Variants in PHLPP1 observed in about 807,000 individuals in gnomAD.
The protein encoded by PHLPP1 is PH domain leucine-rich repeat-containing protein phosphatase 1.
Under a neutral mutation model 117.2 loss-of-function variants are expected in PHLPP1, and 42 were observed. The ratio of observed to expected loss-of-function variants is 0.36; its 90% CI spans 0.28 to 0.46. PHLPP1 has a LOEUF of 0.46. Among genes scored for constraint, PHLPP1 ranks in the 20% least tolerant of loss-of-function variants. The pLI is 1.00. For missense variants in PHLPP1, 2,084 were observed against 2,241.9 expected, an observed-to-expected ratio of 0.93 and a Z score of 1.42; for synonymous variants, 1,042 against 970.7, an observed-to-expected ratio of 1.07 and a Z score of -1.37.
At chr18:62,848,588 C>T (rs953832015) in intron 3 of PHLPP1, among the ~76,000 whole-genome samples, 8 of 151,650 alleles carry the variant, frequency 5.3e-5, no homozygotes, top group African/African-American at 1.5e-4. Context: ...CTCAGCCTCC[C>T]GAGTAACTGG....
intron 1 of PHLPP1, among the ~76,000 whole-genome samples, chr18:62,734,412 T>C (rs948575823): frequency 2.0e-5 from 3 of 152,228 alleles, no homozygotes; most frequent in Non-Finnish European, 4.4e-5. Flanking sequence ...AAACAACTTA[T>C]TAGCTCTTTT....
intron 1 of PHLPP1, among the ~76,000 whole-genome samples, chr18:62,816,066 GT>G (rs1914264256): frequency 6.6e-6 from 1 of 152,188 alleles, no homozygotes; most frequent in Non-Finnish European, 1.5e-5. Context: ...TTTGTTGAAT[GT>G]TGAGGAGGGT....
At chr18:62,897,239 C>T (rs1425686931) in intron 6 of PHLPP1, among the ~76,000 whole-genome samples, 1 of 152,120 alleles carries the variant, frequency 6.6e-6, no homozygotes, top group Non-Finnish European at 1.5e-5. Context: ...TCTGAATTAG[C>T]TTACACATAA....
At chr18:62,728,126 C>T (rs1911129513) in intron 1 of PHLPP1, among the ~76,000 whole-genome samples, 1 of 151,848 alleles carries the variant, frequency 6.6e-6, no homozygotes, top group African/African-American at 2.4e-5. Flanking sequence ...GAAACCTCGT[C>T]TCTACTAAAA....
chr18:62,860,594 C>T lies in PHLPP1; in HGVS notation c.2059C>T (p.Leu687=). Residue 687 remains leucine (L), a synonymous_variant, in exon 4 of 17, where the codon CTG becomes TTG. Transcript: ENST00000262719. ...SLPAARGLNE[L]QRFTKLKSLN... ...TCCAGCTGCCAGGGGGCTTAATGAA[C>T]TGCAAAGGTAAGCCTGCAGAAATGG... 3 of 1,612,088 alleles carry T rather than the reference C, an allele frequency of 1.9e-6. No homozygotes were observed. The highest frequency in any genetic ancestry group is 2.5e-6 in the Non-Finnish European group (3 of 1,179,018).
intron 1 of PHLPP1, among the ~76,000 whole-genome samples, chr18:62,728,310 T>A (rs898153215): frequency 6.6e-6 from 1 of 151,826 alleles, no homozygotes; most frequent in African/African-American, 2.4e-5. Context: ...AAAAAAATAT[T>A]TTTTTTAAAG....
In PHLPP1 at chr18:62,830,032, C is replaced by T. The variant is rs764143063; in HGVS notation, c.1577-3C>T. The T allele has an allele frequency of 6.3e-7, 1 of 1,595,796 alleles. No individual in the cohort carries two copies. Among genetic ancestry groups the T allele is most frequent in the Non-Finnish European group, 8.6e-7 (1 of 1,168,654 alleles). ...ATAACATGTTTGCTTCTGTTTATTT[C>T]AGGAAAACCTCACAGCACGGGTAGC... On this transcript the variant is annotated splice_region_variant and splice_polypyrimidine_tract_variant and intron_variant, in intron 1 of 16. Transcript: ENST00000262719.
chr18:62,803,367 CT>C (rs1341809610), intron 1 of PHLPP1, among the ~76,000 whole-genome samples: 1 of 152,108 alleles, frequency 6.6e-6, no homozygotes, highest in East Asian at 1.9e-4. Context: ...GCTTTTCCCC[CT>C]CCTAGTTATT....
chr18:62,930,465 A>T (rs1323833665), intron 10 of PHLPP1, among the ~76,000 whole-genome samples: 2 of 25,752 alleles, frequency 7.8e-5, no homozygotes, highest in Non-Finnish European at 1.8e-4. Flanking sequence ...CAACAACAGT[A>T]AAAAAAAATT....
intron 1 of PHLPP1, among the ~76,000 whole-genome samples, chr18:62,756,189 G>A (rs900037222): frequency 3.9e-5 from 6 of 152,082 alleles, no homozygotes; most frequent in Admixed American, 2.6e-4. Flanking sequence ...GGGAAGCTTC[G>A]TGTATACATC....
At chr18:62,939,861 A>G (rs1229486245) in intron 10 of PHLPP1, among the ~76,000 whole-genome samples, 1 of 151,910 alleles carries the variant, frequency 6.6e-6, no homozygotes, top group Non-Finnish European at 1.5e-5. Flanking sequence ...ATTAAAAATA[A>G]CTGCCTGGTA....
Position 62,979,095 on chromosome 18 carries a change from GC to G in PHLPP1, c.4821del (p.Arg1608GlyfsTer29). 1 of 1,613,910 alleles carries G rather than the reference GC, an allele frequency of 6.2e-7. No individual in the cohort carries two copies. The highest frequency in any genetic ancestry group is 8.5e-7 in the Non-Finnish European group (1 of 1,179,834). ...GCGCCAACGAGGATGAGCCAGGTCTGCCCAGGAAGGCAGACTTCTCTGCCGT... is the reference window on the plus strand; with the variant it reads ...GCGCCAACGAGGATGAGCCAGGTCTGCCAGGAAGGCAGACTTCTCTGCCGT... ...ISANEDEPGL[P>X]RKADFSAVGT... On this transcript the variant is annotated frameshift_variant, in exon 17 of 17. Transcript: ENST00000262719. LOFTEE classifies it low-confidence loss of function (END_TRUNC).
At position 62,772,830 on chromosome 18, in the gene PHLPP1, C is replaced by CAAAAAAA. The variant is rs59776161; in HGVS notation, c.1576+55584_1576+55590dup. Reference sequence around the variant, plus strand: ...TGGGCTACTAAGCAAGACTCTTTCTCAAAAAAAAAAAAAAAAAAAGATTTT... The same window carrying CAAAAAAA: ...TGGGCTACTAAGCAAGACTCTTTCTCAAAAAAAAAAAAAAAAAAAAAAAAAAGATTTT... On this transcript the variant is annotated intron_variant, in intron 1 of 16. Transcript: ENST00000262719. Among the ~76,000 whole-genome samples, 7 of 61,062 alleles carry CAAAAAAA rather than the reference C, an allele frequency of 1.1e-4. 1 individual carries two copies. Among genetic ancestry groups the CAAAAAAA allele is most frequent in the Non-Finnish European group, 1.5e-4 (5 of 32,302 alleles). 40.1% of individuals were successfully genotyped at this position (61,062 alleles called of 152,430 possible).
chr18:62,933,158 G>A (rs1909867485), intron 10 of PHLPP1, among the ~76,000 whole-genome samples: 1 of 152,176 alleles, frequency 6.6e-6, no homozygotes, highest in Non-Finnish European at 1.5e-5. Flanking sequence ...TGGATTGGAA[G>A]AATCAGTATC....
chr18:62,817,455 T>C (rs1914316746), intron 1 of PHLPP1, among the ~76,000 whole-genome samples: 1 of 152,036 alleles, frequency 6.6e-6, no homozygotes, highest in Non-Finnish European at 1.5e-5. Context: ...ACAAATTGAA[T>C]TTATAGAGAT....
intron 15 of PHLPP1, 35 bp from the exon 16 acceptor site, chr18:62,975,360 CTG>C (rs753018924): frequency 7.0e-7 from 1 of 1,422,016 alleles, no homozygotes; most frequent in Non-Finnish European, 9.9e-7. Flanking sequence ...CACTGATGGG[CTG>C]TGTTTGAGTG....
intron 16 of PHLPP1, among the ~76,000 whole-genome samples, chr18:62,977,159 T>A (rs184254489): frequency 1.8e-4 from 27 of 152,260 alleles, no homozygotes; most frequent in African/African-American, 6.3e-4. Flanking sequence ...TACCTGCTTA[T>A]AAGTGTGGTG....
intron 1 of PHLPP1, among the ~76,000 whole-genome samples, chr18:62,728,793 C>A (rs1200118334): frequency 6.6e-6 from 1 of 152,190 alleles, no homozygotes; most frequent in African/African-American, 2.4e-5. Flanking sequence ...AGGCATGAGC[C>A]ACTGCGCCTG....
At chr18:62,747,599 C>G (rs1030626181) in intron 1 of PHLPP1, among the ~76,000 whole-genome samples, 2 of 152,088 alleles carry the variant, frequency 1.3e-5, no homozygotes, top group African/African-American at 4.8e-5. Context: ...TCACTGCAGC[C>G]TTGAACTCCT....
Sources: allele counts gnomAD v4.1 joint callset (sites outside exome capture counted in the v4.1 genomes callset), GRCh38; gene constraint gnomAD v4.1.1; transcripts MANE v1.5; gene names NCBI Gene and HGNC (gene_info 2026-07-23, HGNC 2026-07-21).